Variants in FBXL7 observed in about 807,000 individuals in gnomAD.
FBXL7 encodes the protein F-box and leucine rich repeat protein 7.
FBXL7 carries 12 observed loss-of-function variants against 38.3 expected under a neutral mutation model. That is an observed-to-expected ratio of 0.31 (90% CI 0.20 to 0.51). FBXL7 has a LOEUF of 0.51. Ranked by LOEUF, FBXL7 falls within the 20% of genes least tolerant of loss-of-function variation. The probability of loss-of-function intolerance (pLI) is 0.98; values close to 1 mark genes in which losing one functional copy is unlikely to be tolerated. For missense variants in FBXL7, 567 were observed against 676.4 expected, an observed-to-expected ratio of 0.84 and a Z score of 1.79; for synonymous variants, 297 against 300.9, an observed-to-expected ratio of 0.99 and a Z score of 0.13.
intron 2 of FBXL7, among the ~76,000 whole-genome samples, chr5:15,747,724 T>C (rs1736050760): frequency 6.6e-6 from 1 of 152,208 alleles, no homozygotes; most frequent in African/African-American, 2.4e-5. Context: ...GACTGCCTGA[T>C]GTAGAGCCAT....
chr5:15,792,566 A>G (rs1263299734), intron 2 of FBXL7, among the ~76,000 whole-genome samples: 1 of 152,218 alleles, frequency 6.6e-6, no homozygotes, highest in Non-Finnish European at 1.5e-5. Context: ...ACCTAAAAGC[A>G]GTGATGTTGG....
Position 15,928,519 on chromosome 5 carries a change from T to C in FBXL7, c.739+18T>C. 1 of 1,596,634 alleles carries C rather than the reference T, an allele frequency of 6.3e-7. No homozygotes were observed. The highest frequency in any genetic ancestry group is 8.5e-7 in the Non-Finnish European group (1 of 1,169,764). On this transcript the variant is annotated intron_variant, in intron 3 of 3. Transcript: ENST00000504595. The surrounding 1 kb of genome is among the most constrained non-coding windows in gnomAD (Gnocchi z 4.0). The stretch of plus-strand genomic sequence containing the variant: ...TGTGTCAGGTAAATGGACACTGACC[T>C]ACCAGCTATGGGCCCTCCTGGTGCA...
chr5:15,901,382 G>T (rs528298647), intron 2 of FBXL7, among the ~76,000 whole-genome samples: 5 of 152,100 alleles, frequency 3.3e-5, no homozygotes, highest in African/African-American at 1.2e-4. Flanking sequence ...ATTCATGAAG[G>T]TTCTGCCCAC....
chr5:15,538,324 A>G lies in FBXL7; in HGVS notation c.37+37611A>G, dbSNP rs1737645205. 2.0e-5 allele frequency among the ~76,000 whole-genome samples: 3 copies of G among 152,302 alleles called. No individual in the cohort carries two copies. The South Asian group carries it at 6.2e-4, about 32-fold the overall frequency. The stretch of plus-strand genomic sequence containing the variant: ...TACTGAGAACATGATTTTCTTTTGG[A>G]AATAAGTTAACTGATACGATACTAT... On this transcript the variant is annotated intron_variant, in intron 1 of 3. Coordinates refer to ENST00000504595, the MANE Select transcript of FBXL7 (RefSeq NM_012304.5).
intron 1 of FBXL7, among the ~76,000 whole-genome samples, chr5:15,601,380 G>A (rs6891138): frequency 0.64 from 96,631 of 151,962 alleles, 31,100 homozygotes; most frequent in South Asian, 0.71. Flanking sequence ...TGTACCCTTA[G>A]CCCGTGCAGC....
intron 1 of FBXL7, among the ~76,000 whole-genome samples, chr5:15,600,211 A>G (rs1298041744): frequency 2.6e-5 from 4 of 152,116 alleles, no homozygotes; most frequent in African/African-American, 9.7e-5. Context: ...GGCCAGAACC[A>G]CTCTGTGGTC....
chr5:15,926,744 A>G (rs1202621275), intron 2 of FBXL7, among the ~76,000 whole-genome samples: 1 of 152,074 alleles, frequency 6.6e-6, no homozygotes, highest in Non-Finnish European at 1.5e-5. Context: ...GAAAAAATAA[A>G]CATGTTTCCA....
At chr5:15,902,767 C>T (rs1262141576) in intron 2 of FBXL7, among the ~76,000 whole-genome samples, 1 of 152,238 alleles carries the variant, frequency 6.6e-6, no homozygotes, top group Non-Finnish European at 1.5e-5. Context: ...TAGAGCTGTA[C>T]TCAGAAATCC....
chr5:15,930,462 A>G (rs1742010038), intron 3 of FBXL7, among the ~76,000 whole-genome samples: 1 of 152,206 alleles, frequency 6.6e-6, no homozygotes, highest in South Asian at 2.1e-4. Context: ...CACTCTTAAT[A>G]CAGGCTGCAA....
At chr5:15,904,965 G>C (rs563029406) in intron 2 of FBXL7, among the ~76,000 whole-genome samples, 1 of 152,250 alleles carries the variant, frequency 6.6e-6, no homozygotes, top group East Asian at 1.9e-4. Context: ...TTATGATTGA[G>C]TTATAAGCCT....
In FBXL7 at chr5:15,668,985, A is replaced by T. The variant is rs1742373504; in HGVS notation, c.127+52913A>T. 2.0e-5 allele frequency among the ~76,000 whole-genome samples: 3 copies of T among 152,218 alleles called. No homozygotes were observed. In the South Asian group the frequency reaches 6.2e-4, roughly 32 times the overall value. ...ATGAGATAATACATATACAATGCTT[A>T]GAGTGAGGGATCAATAAATATATGG... is the stretch of plus-strand genomic sequence containing the variant. On this transcript the variant is annotated intron_variant, in intron 2 of 3. Coordinates refer to ENST00000504595, the MANE Select transcript of FBXL7 (RefSeq NM_012304.5).
At chr5:15,787,072 T>A (rs886609732) in intron 2 of FBXL7, among the ~76,000 whole-genome samples, 2 of 152,174 alleles carry the variant, frequency 1.3e-5, no homozygotes, top group Non-Finnish European at 2.9e-5. Context: ...CACCAGCAGC[T>A]GGAAGAGGCC....
At chr5:15,890,377 T>G (rs11746995) in intron 2 of FBXL7, among the ~76,000 whole-genome samples, 1 of 152,180 alleles carries the variant, frequency 6.6e-6, no homozygotes, top group Non-Finnish European at 1.5e-5. Context: ...GCATCCCAAG[T>G]AGCTGGGATT....
intron 1 of FBXL7, among the ~76,000 whole-genome samples, chr5:15,542,557 GTACAT>G (rs1189438353): frequency 1.3e-5 from 2 of 152,222 alleles, no homozygotes; most frequent in South Asian, 2.1e-4. Context: ...ACGATCTTCT[GTACAT>G]TACAAGTATA....
chr5:15,781,459 G>A (rs1413640160), intron 2 of FBXL7, among the ~76,000 whole-genome samples: 1 of 151,394 alleles, frequency 6.6e-6, no homozygotes, highest in East Asian at 1.9e-4. Flanking sequence ...GCGCGCGCGT[G>A]TGTGTGTGTG....
At chr5:15,923,851 C>A (rs1024687246) in intron 2 of FBXL7, among the ~76,000 whole-genome samples, 1 of 151,944 alleles carries the variant, frequency 6.6e-6, no homozygotes, top group Non-Finnish European at 1.5e-5. Flanking sequence ...CACCCTCCCC[C>A]CTCCGCCCCC....
chr5:15,580,281 C>T lies in FBXL7; in HGVS notation c.38-35702C>T, dbSNP rs142984264. On this transcript the variant is annotated intron_variant, in intron 1 of 3. Coordinates refer to ENST00000504595, the MANE Select transcript of FBXL7 (RefSeq NM_012304.5). Reference sequence around the variant, plus strand: ...ACCCTGATCTTTAACTTCCAACCTCCAGCACTACAAGAAATAAATGTTTGT... The same window carrying T: ...ACCCTGATCTTTAACTTCCAACCTCTAGCACTACAAGAAATAAATGTTTGT... Among the ~76,000 whole-genome samples, 828 of 152,232 alleles carry T rather than the reference C, an allele frequency of 5.4e-3. 2 individuals carry two copies. The highest frequency in any genetic ancestry group is 0.01 in the Non-Finnish European group (682 of 68,012).
chr5:15,891,499 G>T (rs78285175), intron 2 of FBXL7, among the ~76,000 whole-genome samples: 1 of 152,156 alleles, frequency 6.6e-6, no homozygotes, highest in Non-Finnish European at 1.5e-5. Flanking sequence ...TCTGTAATAG[G>T]AACTGGAGAC....
chr5:15,595,416 T>A (rs952723639), intron 1 of FBXL7, among the ~76,000 whole-genome samples: 1 of 152,154 alleles, frequency 6.6e-6, no homozygotes, highest in African/African-American at 2.4e-5. Flanking sequence ...CCAGATCGGC[T>A]GAGGTACAGG....
Sources: allele counts gnomAD v4.1 joint callset (sites outside exome capture counted in the v4.1 genomes callset), GRCh38; gene constraint gnomAD v4.1.1; non-coding constraint Gnocchi (gnomAD v3.1); transcripts MANE v1.5; gene names NCBI Gene and HGNC (gene_info 2026-07-23, HGNC 2026-07-21).